DEPTOR: variants seen among roughly 807,000 people sequenced by gnomAD.
The protein encoded by DEPTOR is DEP domain-containing mTOR-interacting protein.
In DEPTOR, 41 loss-of-function variants were observed where a neutral mutation model predicts 41.6. The observed-to-expected ratio is 0.98, with a 90% CI of 0.77 to 1.28. DEPTOR has a LOEUF of 1.28. Among genes scored for constraint, DEPTOR ranks in the 50% most tolerant of loss-of-function variants. DEPTOR has a pLI of 0.00. For synonymous variants in DEPTOR, 195 were observed against 192.3 expected (o/e 1.01, Z -0.12); for missense variants, 514 against 527.9 (o/e 0.97, Z 0.26).
intron 4 of DEPTOR, among the ~76,000 whole-genome samples, chr8:119,992,553 C>A (rs1385424290): frequency 6.6e-6 from 1 of 152,052 alleles, no homozygotes; most frequent in Non-Finnish European, 1.5e-5. Context: ...ATTCAGTTCA[C>A]ATGCTTCATG....
intron 1 of DEPTOR, among the ~76,000 whole-genome samples, chr8:119,901,477 C>T (rs1827589392): frequency 2.6e-5 from 4 of 151,988 alleles, no homozygotes. Flanking sequence ...GAGATCGAGA[C>T]CATCCTGGCT....
intron 6 of DEPTOR, among the ~76,000 whole-genome samples, chr8:120,005,494 C>T (rs990329761): frequency 6.6e-6 from 1 of 152,044 alleles, no homozygotes; most frequent in Non-Finnish European, 1.5e-5. Flanking sequence ...ACGCCTTGCC[C>T]CACGCTGCCT....
intron 4 of DEPTOR, among the ~76,000 whole-genome samples, chr8:119,977,855 TG>T (rs2130009130): frequency 6.6e-6 from 1 of 152,030 alleles, no homozygotes; most frequent in African/African-American, 2.4e-5. Context: ...GATGGGGTCT[TG>T]CTATATTGCC....
At chr8:120,012,641 A>G (rs1812546885) in intron 8 of DEPTOR, among the ~76,000 whole-genome samples, 1 of 152,006 alleles carries the variant, frequency 6.6e-6, no homozygotes, top group South Asian at 2.1e-4. Context: ...GGTTCAAGCA[A>G]TTCTCCTGCC....
In DEPTOR at chr8:120,018,667, C is replaced by T. The variant is rs1380050611; in HGVS notation, c.1101+9534C>T. On this transcript the variant is annotated intron_variant, in intron 8 of 8. Coordinates refer to ENST00000286234, the MANE Select transcript of DEPTOR (RefSeq NM_022783.4). ...TTGTTTTGTATGCAGTGCTATGTCT[C>T]ACTTTTGCAGAGTTGTAGCTTCTCA... is the stretch of plus-strand genomic sequence containing the variant. Among the ~76,000 whole-genome samples the T allele has an allele frequency of 3.9e-5, 6 of 152,316 alleles. No homozygotes were observed. In the East Asian group the frequency reaches 9.7e-4, roughly 25 times the overall value.
intron 4 of DEPTOR, among the ~76,000 whole-genome samples, chr8:119,995,304 A>T (rs1196661690): frequency 6.6e-6 from 1 of 152,104 alleles, no homozygotes; most frequent in Admixed American, 6.6e-5. Context: ...TTCTAAAAGT[A>T]GGCCGGGCAC....
intron 1 of DEPTOR, among the ~76,000 whole-genome samples, chr8:119,901,195 C>A (rs1449593427): frequency 6.6e-6 from 1 of 152,180 alleles, no homozygotes; most frequent in Non-Finnish European, 1.5e-5. Context: ...GCAATTCTCT[C>A]ATGAGCCATT....
chr8:120,017,660 G>A (rs1479397088), intron 8 of DEPTOR, among the ~76,000 whole-genome samples: 1 of 152,164 alleles, frequency 6.6e-6, no homozygotes, highest in Non-Finnish European at 1.5e-5. Flanking sequence ...CTCACTTTTG[G>A]TAGTTTAATC....
chr8:120,015,476 C>T (rs61607910), intron 8 of DEPTOR, among the ~76,000 whole-genome samples: 181 of 152,216 alleles, frequency 1.2e-3, no homozygotes, highest in African/African-American at 4.2e-3. Context: ...CTGGCAGGCC[C>T]GGTGTTTGGT....
chr8:119,971,049 T>A (rs1828625791), intron 4 of DEPTOR, among the ~76,000 whole-genome samples: 1 of 151,764 alleles, frequency 6.6e-6, no homozygotes, highest in African/African-American at 2.4e-5. Flanking sequence ...GCTAACACGG[T>A]GAAACCCCGT....
intron 8 of DEPTOR, among the ~76,000 whole-genome samples, chr8:120,030,323 A>T (rs1470442708): frequency 6.6e-6 from 1 of 151,832 alleles, no homozygotes; most frequent in Non-Finnish European, 1.5e-5. Flanking sequence ...AGAAATTACT[A>T]AAAAAAGTAC....
chr8:119,904,964 G>GTTT (rs1827643127), intron 1 of DEPTOR, among the ~76,000 whole-genome samples: 2 of 98,900 alleles, frequency 2.0e-5, no homozygotes, highest in African/African-American at 3.9e-5. Context: ...GCTAATTTTT[G>GTTT]CTTTTTTTTT....
Position 120,009,078 on chromosome 8 carries a change from C to T in DEPTOR, c.1046C>T (p.Pro349Leu), listed in dbSNP as rs1205935953. 8 of 1,613,936 alleles carry T rather than the reference C, an allele frequency of 5.0e-6. No individual in the cohort carries two copies. The African/African-American group carries it at 1.1e-4, about 22-fold the overall frequency. The change falls in exon 8 of 9, where the codon CCA (proline) becomes CTA (leucine). Residue 349 changes from proline to leucine, a missense_variant. Coordinates refer to ENST00000286234, the MANE Select transcript of DEPTOR (RefSeq NM_022783.4). ...GGTTTTGTGGTGCGAGGAAGTAAGC[C>T]ATGCCACATCCAGGCTGTAGACCCC... Reference protein sequence around the residue: ...GWGFVVRGSKPCHIQAVDPSG... With the variant: ...GWGFVVRGSKLCHIQAVDPSG...
chr8:119,928,910 T>C (rs933719508), intron 2 of DEPTOR, among the ~76,000 whole-genome samples: 1 of 152,206 alleles, frequency 6.6e-6, no homozygotes, highest in Non-Finnish European at 1.5e-5. Context: ...GTTATTTCTA[T>C]GTACTGCTTT....
intron 4 of DEPTOR, among the ~76,000 whole-genome samples, chr8:119,993,929 G>T (rs1489956302): frequency 6.6e-6 from 1 of 152,056 alleles, no homozygotes; most frequent in Non-Finnish European, 1.5e-5. Flanking sequence ...GACTGAGGCA[G>T]GTAGATTACC....
Position 119,999,174 on chromosome 8 carries a change from C to A in DEPTOR, c.605-2351C>A, listed in dbSNP as rs181272741. Among the ~76,000 whole-genome samples the A allele has an allele frequency of 3.2e-3, 491 of 151,274 alleles. 3 individuals are homozygous for A. The highest frequency in any genetic ancestry group is 0.011 in the African/African-American group (454 of 41,222). ...ATCCCAGCTACTTCGGAGCCTGAGG[C>A]AGGAGAATCGCTTGAACCCGAGACT... On this transcript the variant is annotated intron_variant, in intron 4 of 8. Transcript: ENST00000286234.
At chr8:119,920,562 A>T (rs1399126873) in intron 1 of DEPTOR, among the ~76,000 whole-genome samples, 1 of 152,214 alleles carries the variant, frequency 6.6e-6, no homozygotes, top group African/African-American at 2.4e-5. Flanking sequence ...AAGCAGAGGC[A>T]TGGAGGGTGA....
At chr8:119,920,449 A>G (rs1215191638) in intron 1 of DEPTOR, among the ~76,000 whole-genome samples, 4 of 152,164 alleles carry the variant, frequency 2.6e-5, no homozygotes, top group African/African-American at 9.7e-5. Flanking sequence ...CTGGCTTTGG[A>G]AGGCTGGGAA....
chr8:119,977,246 G>A (rs1279596358), intron 4 of DEPTOR, among the ~76,000 whole-genome samples: 3 of 151,938 alleles, frequency 2.0e-5, no homozygotes, highest in Non-Finnish European at 4.4e-5. Flanking sequence ...CAAGTGATCC[G>A]CCCGCCCTAG....
Sources: allele counts gnomAD v4.1 joint callset (sites outside exome capture counted in the v4.1 genomes callset), GRCh38; gene constraint gnomAD v4.1.1; transcripts MANE v1.5; gene names NCBI Gene and HGNC (gene_info 2026-07-23, HGNC 2026-07-21).